The following HNRNPM variants were observed in gnomAD, a reference collection of about 807,000 sequenced individuals.
HNRNPM encodes CEA receptor.
Under a neutral mutation model 73.1 loss-of-function variants are expected in HNRNPM, and 11 were observed. The ratio of observed to expected loss-of-function variants is 0.15; its 90% CI spans 0.09 to 0.25. The LOEUF (loss-of-function observed/expected upper bound fraction) is 0.25, where lower values mean the gene tolerates loss of function less well. Among genes scored for constraint, HNRNPM ranks in the 10% least tolerant of loss-of-function variants. The pLI, the probability that HNRNPM is intolerant of heterozygous loss-of-function variation, is 1.00. For missense variants in HNRNPM, 789 were observed against 1,067.9 expected, an observed-to-expected ratio of 0.74 and a Z score of 3.64; for synonymous variants, 407 against 355.2, an observed-to-expected ratio of 1.15 and a Z score of -1.64.
rs774170490 is a variant in HNRNPM, at chr19:8,471,392, A to G, written c.962A>G (p.Asn321Ser). ...GGQPIDANHL[N>S]KGIGMGNIGP... ...CAACCCATTGATGCCAATCACCTGA[A>G]TAAAGGCATCGGAATGGGAAACATA... The change falls in exon 10 of 16, where the codon AAT (asparagine) becomes AGT (serine). Residue 321 changes from asparagine (N) to serine (S), a missense_variant. Transcript: ENST00000325495. 5 of 1,607,730 alleles carry G rather than the reference A, an allele frequency of 3.1e-6. No homozygotes were observed. The highest frequency in any genetic ancestry group is 4.2e-6 in the Non-Finnish European group (5 of 1,177,012).
intron 13 of HNRNPM, 114 bp downstream of exon 13, chr19:8,483,325 A>C (rs903792158): frequency 1.9e-5 from 15 of 773,898 alleles, no homozygotes; most frequent in Non-Finnish European, 2.0e-5. Context: ...CCGGGGTGGG[A>C]GCAGCTCTGC....
At chr19:8,479,178 C>G (rs185850986) in intron 12 of HNRNPM, among the ~76,000 whole-genome samples, 1 of 148,348 alleles carries the variant, frequency 6.7e-6, no homozygotes, top group African/African-American at 2.5e-5. Context: ...CTCCACCTCC[C>G]GGTTTCAAGT....
At chr19:8,446,688 C>T (rs1353188677) in intron 1 of HNRNPM, among the ~76,000 whole-genome samples, 7 of 152,224 alleles carry the variant, frequency 4.6e-5, no homozygotes, top group Admixed American at 2.0e-4. Flanking sequence ...CAGGCATGAG[C>T]TACTGCGCCC....
At chr19:8,478,524 G>T (rs952515079) in intron 12 of HNRNPM, among the ~76,000 whole-genome samples, 1 of 152,150 alleles carries the variant, frequency 6.6e-6, no homozygotes, top group Non-Finnish European at 1.5e-5. Flanking sequence ...AGTGGCTGGG[G>T]TCCGCCCTCT....
At chr19:8,479,359 G>A (rs1226928400) in intron 12 of HNRNPM, among the ~76,000 whole-genome samples, 4 of 151,970 alleles carry the variant, frequency 2.6e-5, no homozygotes, top group East Asian at 1.9e-4. Flanking sequence ...GATTACAGGT[G>A]TGAGCCATCA....
chr19:8,468,320 C>A (rs80347516), intron 8 of HNRNPM, among the ~76,000 whole-genome samples: 1,589 of 152,284 alleles, frequency 0.01, 11 homozygotes, highest in South Asian at 0.04. Context: ...TAAACATTTG[C>A]TCTGCCGTAA....
Position 8,489,047 on chromosome 19 carries a change from T to C in HNRNPM, c.*193T>C, listed in dbSNP as rs1971521082. ...CATTGAGATTGCAATGTGCGCAATT[T>C]TTTTTGTAGTTGTGGCATCTTGTTG... On this transcript the variant is annotated 3_prime_UTR_variant, in exon 16 of 16. Coordinates refer to ENST00000325495, the MANE Select transcript of HNRNPM (RefSeq NM_005968.5). 1.9e-6 allele frequency: 1 copy of C among 535,626 alleles called. No individual in the cohort carries two copies. Among genetic ancestry groups the C allele is most frequent in the Non-Finnish European group, 3.3e-6 (1 of 302,988 alleles). 33.2% of individuals were successfully genotyped at this position (535,626 alleles called of 1,614,324 possible). A position where few individuals can be genotyped will look rare whatever the true frequency, so the allele number is the denominator to read the frequency against.
chr19:8,473,286 A>T (rs192282203), intron 10 of HNRNPM, among the ~76,000 whole-genome samples: 4 of 151,952 alleles, frequency 2.6e-5, no homozygotes, highest in African/African-American at 9.7e-5. Flanking sequence ...TGGGTCATTA[A>T]AGTATGTAGA....
rs957524767 is a variant in HNRNPM at position 8,472,151 on chromosome 19, CAG to C, written c.997+727_997+728del. Reference sequence around the variant, plus strand: ...ACATGACTGCACTTCAGCCTGGCAACAGAGCGAGAGTCCGTCTCCAGAAAAAA... The same window carrying C: ...ACATGACTGCACTTCAGCCTGGCAACAGCGAGAGTCCGTCTCCAGAAAAAA... On this transcript the variant is annotated intron_variant, in intron 10 of 15. Transcript: ENST00000325495. Among the ~76,000 whole-genome samples the C allele has an allele frequency of 2.3e-5, 3 of 132,022 alleles. No individual in the cohort carries two copies. The Admixed American group carries it at 2.7e-4, about 12-fold the overall frequency. The allele number at this position is 132,022 out of a possible 152,430, so 86.6% of individuals were successfully genotyped here.
chr19:8,473,715 A>G lies in HNRNPM; in HGVS notation c.1042+7A>G. 6.6e-7 allele frequency: 1 copy of G among 1,515,388 alleles called. No individual in the cohort carries two copies. Among genetic ancestry groups the G allele is most frequent in the Non-Finnish European group, 9.2e-7 (1 of 1,092,124 alleles). 93.9% of individuals were successfully genotyped at this position (1,515,388 alleles called of 1,614,324 possible). A position where few individuals can be genotyped will look rare whatever the true frequency, so the allele number is the denominator to read the frequency against. On this transcript the variant is annotated splice_region_variant and intron_variant, in intron 11 of 15. Transcript: ENST00000325495. The stretch of plus-strand genomic sequence containing the variant: ...GGAATAAATAAAATGGGAGGTAAGA[A>G]ATTTAAAATGAAGTACAAGCATAAT...
Position 8,488,961 on chromosome 19 carries a change from G to A in HNRNPM, c.*107G>A, listed in dbSNP as rs773435835. The stretch of plus-strand genomic sequence containing the variant: ...TGTATAAAGATGTTTAAAAAATTCA[G>A]TTGCTTTTTGGGGTAATTTGAATTA... On this transcript the variant is annotated 3_prime_UTR_variant, in exon 16 of 16. Transcript: ENST00000325495. 2.9e-5 allele frequency: 31 copies of A among 1,063,954 alleles called. No homozygotes were observed. Among genetic ancestry groups the A allele is most frequent in the Non-Finnish European group, 4.2e-5 (31 of 743,878 alleles). 65.9% of individuals were successfully genotyped at this position (1,063,954 alleles called of 1,614,324 possible).
At position 8,480,143 on chromosome 19, in the gene HNRNPM, C is replaced by T. The variant is rs1283072068; in HGVS notation, c.1121-3015C>T. Among the ~76,000 whole-genome samples the T allele has an allele frequency of 4.2e-5, 6 of 142,596 alleles. No individual in the cohort carries two copies. The East Asian group carries it at 1.2e-3, about 28-fold the overall frequency. The allele number at this position is 142,596 out of a possible 152,430, so 93.5% of individuals were successfully genotyped here. ...CTGTATTCCCAGCACTTTGGGAGGC[C>T]GAGGCTGGTGAATCACGAGGTTAGG... On this transcript the variant is annotated intron_variant, in intron 12 of 15. Coordinates refer to ENST00000325495, the MANE Select transcript of HNRNPM (RefSeq NM_005968.5).
chr19:8,486,434 G>C lies in HNRNPM; in HGVS notation c.1977+29G>C, dbSNP rs368317306. The C allele has an allele frequency of 5.7e-4, 865 of 1,530,712 alleles. 1 individual carries two copies. The Middle Eastern group carries it at 6.7e-3, about 12-fold the overall frequency. The allele number at this position is 1,530,712 out of a possible 1,614,324, so 94.8% of individuals were successfully genotyped here. ...AGTGGCTCTTGGGGAACTTCTTGGT[G>C]GTGGTGAGCATGAGGGGACAGGGGA... On this transcript the variant is annotated intron_variant, in intron 14 of 15. Transcript: ENST00000325495.
At chr19:8,475,098 T>C (rs531638141) in intron 12 of HNRNPM, among the ~76,000 whole-genome samples, 2 of 152,364 alleles carry the variant, frequency 1.3e-5, no homozygotes, top group Admixed American at 1.3e-4. Context: ...CCACATGATA[T>C]GTACATACTG....
Position 8,486,027 on chromosome 19 carries a change from G to C in HNRNPM, c.1599G>C (p.Val533=), listed in dbSNP as rs145478277. The change falls in exon 14 of 16, where the codon GTG becomes GTC. Residue 533 remains valine, a synonymous_variant. Transcript: ENST00000325495. ...TGGGCCTGAGCATGGAGCGCATGGT[G>C]CCCGCAGGTATGGGAGCTGGCCTGG... The part of the protein sequence containing the change: ...ERMGLSMERM[V]PAGMGAGLER... The C allele has an allele frequency of 2.0e-4, 324 of 1,605,844 alleles. 2 individuals are homozygous for C. In the African/African-American group the frequency reaches 3.6e-3, roughly 18 times the overall value.
intron 2 of HNRNPM, among the ~76,000 whole-genome samples, chr19:8,457,605 A>G (rs989710898): frequency 6.6e-6 from 1 of 152,246 alleles, no homozygotes; most frequent in African/African-American, 2.4e-5. Flanking sequence ...GATTGTGGGT[A>G]AAGTGACTCA....
chr19:8,445,103 C>A lies in HNRNPM; in HGVS notation c.105C>A (p.Gly35=). The A allele has an allele frequency of 1.4e-6, 2 of 1,410,828 alleles. No homozygotes were observed. The highest frequency in any genetic ancestry group is 1.9e-6 in the Non-Finnish European group (2 of 1,080,906). 87.4% of individuals were successfully genotyped at this position (1,410,828 alleles called of 1,614,324 possible). A position where few individuals can be genotyped will look rare whatever the true frequency, so the allele number is the denominator to read the frequency against. The change falls in exon 1 of 16, where the codon GGC becomes GGA. Residue 35 remains glycine (G), a synonymous_variant. Transcript: ENST00000325495. ...PGVPSGNGAP[G]PKGEGERPAQ... is the part of the protein sequence containing the mutation. ...TGCCGAGCGGCAACGGGGCTCCGGG[C>A]CCTAAGGGGTGAGTATCCCACGGTC...
At chr19:8,460,915 T>C (rs2145649923) in intron 2 of HNRNPM, among the ~76,000 whole-genome samples, 1 of 152,302 alleles carries the variant, frequency 6.6e-6, no homozygotes, top group East Asian at 1.9e-4. Context: ...TTGAAACAAA[T>C]GGCTTTTTAA....
At chr19:8,468,860 A>C in intron 9 of HNRNPM, 26 bp downstream of exon 9, 1 of 1,584,346 alleles carries the variant, frequency 6.3e-7, no homozygotes, top group African/African-American at 1.3e-5. Flanking sequence ...ATTAGGGCTG[A>C]GAGTTTGAAT....
Sources: allele counts gnomAD v4.1 joint callset (sites outside exome capture counted in the v4.1 genomes callset), GRCh38; gene constraint gnomAD v4.1.1; transcripts MANE v1.5; gene names NCBI Gene and HGNC (gene_info 2026-07-23, HGNC 2026-07-21).